Variants in LPCAT1 observed in about 807,000 individuals in gnomAD.
The protein encoded by LPCAT1 is lysophosphatidylcholine acyltransferase 1, also known as 1-acylglycerol-3-phosphate O-acyltransferase.
LPCAT1 carries 23 observed loss-of-function variants against 60.9 expected under a neutral mutation model. That is an observed-to-expected ratio of 0.38 (90% CI 0.27 to 0.53). The LOEUF is 0.53. Ranked by LOEUF, LPCAT1 falls within the 20% of genes least tolerant of loss-of-function variation. The pLI, the probability that LPCAT1 is intolerant of heterozygous loss-of-function variation, is 0.82. For synonymous variants in LPCAT1, 340 were observed against 301.1 expected (o/e 1.13, Z -1.34); for missense variants, 622 against 723.6 (o/e 0.86, Z 1.61).
chr5:1,476,556 T>C lies in LPCAT1; in HGVS notation c.899+848A>G, dbSNP rs1307020447. ...GCGAGTTCCCAGCCATGCCCCGACCTGCTGCAGCAGGAGCCTGGGGGTGGG... is the reference window on the plus strand; with the variant it reads ...GCGAGTTCCCAGCCATGCCCCGACCCGCTGCAGCAGGAGCCTGGGGGTGGG... On this transcript the variant is annotated intron_variant, in intron 9 of 13. Transcript: ENST00000283415. The surrounding 1 kb of genome is among the most constrained non-coding windows in gnomAD (Gnocchi z 8.6). Among the ~76,000 whole-genome samples, 1 of 152,096 alleles carries C rather than the reference T, an allele frequency of 6.6e-6. No homozygotes were observed. Among genetic ancestry groups the C allele is most frequent in the African/African-American group, 2.4e-5 (1 of 41,392 alleles).
chr5:1,510,158 G>C (rs1043853800), intron 1 of LPCAT1, among the ~76,000 whole-genome samples: 2 of 152,060 alleles, frequency 1.3e-5, no homozygotes, highest in Non-Finnish European at 2.9e-5. Flanking sequence ...TCACACTCTG[G>C]AGCTTTTCAC....
chr5:1,463,595 G>T lies in LPCAT1; in HGVS notation c.*56C>A, dbSNP rs911365860. ...GAGCCCAGAGGTCACTCGCAAAGAG[G>T]CTCATGGCGGTGATGTCCACGCGGG... On this transcript the variant is annotated 3_prime_UTR_variant, in exon 14 of 14. Transcript: ENST00000283415. The T allele has an allele frequency of 6.3e-7, 1 of 1,583,334 alleles. No homozygotes were observed. Among genetic ancestry groups the T allele is most frequent in the Non-Finnish European group, 8.6e-7 (1 of 1,159,474 alleles).
chr5:1,510,546 G>A (rs373707411), intron 1 of LPCAT1, among the ~76,000 whole-genome samples: 3 of 152,194 alleles, frequency 2.0e-5, no homozygotes, highest in Admixed American at 6.5e-5. Context: ...TCCAGTCCAC[G>A]GGCGTCTTAC....
intron 8 of LPCAT1, among the ~76,000 whole-genome samples, chr5:1,478,394 C>T (rs1313401894): frequency 2.0e-5 from 3 of 152,252 alleles, no homozygotes; most frequent in African/African-American, 7.2e-5. Flanking sequence ...GTATGAACAA[C>T]GTCAGTAAGG....
At chr5:1,504,643 G>C (rs1736126653) in intron 1 of LPCAT1, among the ~76,000 whole-genome samples, 1 of 150,146 alleles carries the variant, frequency 6.7e-6, no homozygotes, top group Admixed American at 6.7e-5. Flanking sequence ...GGACCCGGGA[G>C]TCAGAGGTTG....
intron 3 of LPCAT1, among the ~76,000 whole-genome samples, chr5:1,493,431 A>T (rs916625153): frequency 5.3e-5 from 8 of 152,226 alleles, no homozygotes; most frequent in African/African-American, 1.7e-4. Context: ...GTGTCCCCCC[A>T]GATATTTTCT....
intron 1 of LPCAT1, among the ~76,000 whole-genome samples, chr5:1,512,590 C>G (rs1039961601): frequency 1.3e-5 from 2 of 152,218 alleles, no homozygotes; most frequent in African/African-American, 2.4e-5. Context: ...ACCTTGTGAC[C>G]TTTGGAATGA....
chr5:1,502,551 C>G lies in LPCAT1; in HGVS notation c.136-948G>C, dbSNP rs564835636. Among the ~76,000 whole-genome samples, 15 of 152,280 alleles carry G rather than the reference C, an allele frequency of 9.9e-5. No homozygotes were observed. The South Asian group carries it at 2.9e-3, about 29-fold the overall frequency. On this transcript the variant is annotated intron_variant, in intron 1 of 13. Coordinates refer to ENST00000283415, the MANE Select transcript of LPCAT1 (RefSeq NM_024830.5). The surrounding 1 kb of genome is among the most constrained non-coding windows in gnomAD (Gnocchi z 5.5). ...GGCCCCCCAAGCCAGGGCAGGCCCC[C>G]ACGCCAGGGAAGGCCGAGGCTGCGG...
rs368849977 is a variant in LPCAT1 at position 1,473,915 on chromosome 5, G to A, written c.1179+42C>T. 310 of 1,586,260 alleles carry A rather than the reference G, an allele frequency of 2.0e-4. 1 individual carries two copies. Among genetic ancestry groups the A allele is most frequent in the Non-Finnish European group, 2.6e-4 (297 of 1,164,014 alleles). ...GAACAATTTATGCTTCAAAAAGCAG[G>A]AGGTTTTGCCGACACCCCGCTCCGC... On this transcript the variant is annotated intron_variant, in intron 11 of 13. Transcript: ENST00000283415.
chr5:1,468,858 G>A (rs1001817585), intron 12 of LPCAT1, among the ~76,000 whole-genome samples: 14 of 152,202 alleles, frequency 9.2e-5, no homozygotes. Context: ...AGAGCAGCAC[G>A]CTGGTGCACT....
At chr5:1,492,692 G>C (rs1262201128) in intron 3 of LPCAT1, among the ~76,000 whole-genome samples, 1 of 152,214 alleles carries the variant, frequency 6.6e-6, no homozygotes, top group Non-Finnish European at 1.5e-5. Flanking sequence ...TGGGTCACCT[G>C]GGTTGATCTG....
At chr5:1,509,156 G>A (rs1736277548) in intron 1 of LPCAT1, among the ~76,000 whole-genome samples, 3 of 152,276 alleles carry the variant, frequency 2.0e-5, no homozygotes, top group Admixed American at 6.5e-5. Context: ...CCAAAGGATG[G>A]CGCCCGGAGA....
intron 3 of LPCAT1, among the ~76,000 whole-genome samples, chr5:1,493,370 C>A (rs1735661347): frequency 6.6e-6 from 1 of 152,260 alleles, no homozygotes; most frequent in Admixed American, 6.5e-5. Context: ...GTGGCCACCA[C>A]CCTCAGTGGT....
At chr5:1,488,353 C>G in intron 5 of LPCAT1, 38 bp downstream of exon 5, 2 of 1,343,906 alleles carry the variant, frequency 1.5e-6, no homozygotes, top group Non-Finnish European at 2.1e-6. Flanking sequence ...TTTTCCTTTT[C>G]TCTAGGAGAA....
intron 1 of LPCAT1, among the ~76,000 whole-genome samples, chr5:1,517,805 A>T (rs943831393): frequency 6.6e-6 from 1 of 152,226 alleles, no homozygotes; most frequent in Non-Finnish European, 1.5e-5. Context: ...TTCAAGAGTA[A>T]AATCAAGGTT....
At chr5:1,516,006 C>A (rs1736496510) in intron 1 of LPCAT1, among the ~76,000 whole-genome samples, 1 of 152,238 alleles carries the variant, frequency 6.6e-6, no homozygotes, top group South Asian at 2.1e-4. Flanking sequence ...TGGGCCCTGG[C>A]AAGTATGTCC....
chr5:1,521,411 G>A lies in LPCAT1; in HGVS notation c.135+2299C>T, dbSNP rs1245285927. 1.0e-6 allele frequency: 1 copy of A among 985,226 alleles called. No individual in the cohort carries two copies. Among genetic ancestry groups the A allele is most frequent in the Non-Finnish European group, 1.2e-6 (1 of 829,896 alleles). 61.0% of individuals were successfully genotyped at this position (985,226 alleles called of 1,614,324 possible). A position where few individuals can be genotyped will look rare whatever the true frequency, so the allele number is the denominator to read the frequency against. On this transcript the variant is annotated intron_variant, in intron 1 of 13. Coordinates refer to ENST00000283415, the MANE Select transcript of LPCAT1 (RefSeq NM_024830.5). This position sits in a 1 kb window ranked among gnomAD's most constrained non-coding sequence, Gnocchi z 4.3. The stretch of plus-strand genomic sequence containing the variant: ...GTTCTTGAGTGTGTCAGCCACTACT[G>A]GACCCATTTCTTTCTTTGGGGAAGA...
Position 1,502,572 on chromosome 5 carries a change from T to TGCGGGATCACAGGCA in LPCAT1, c.136-970_136-969insTGCCTGTGATCCCGC. On this transcript the variant is annotated intron_variant, in intron 1 of 13. Coordinates refer to ENST00000283415, the MANE Select transcript of LPCAT1 (RefSeq NM_024830.5). This position sits in a 1 kb window ranked among gnomAD's most constrained non-coding sequence, Gnocchi z 5.5. ...CCCCCACGCCAGGGAAGGCCGAGGC[T>TGCGGGATCACAGGCA]GCGGGATCCCAGGCAGCCCAGGGTC... Among the ~76,000 whole-genome samples the TGCGGGATCACAGGCA allele has an allele frequency of 6.6e-6, 1 of 152,150 alleles. No homozygotes were observed. The highest frequency in any genetic ancestry group is 1.9e-4 in the East Asian group (1 of 5,176).
intron 2 of LPCAT1, among the ~76,000 whole-genome samples, chr5:1,498,619 TAC>T (rs1560982047): frequency 2.6e-5 from 4 of 151,838 alleles, no homozygotes; most frequent in Non-Finnish European, 4.4e-5. Flanking sequence ...TGTACACACG[TAC>T]ACTTGCACAT....
Sources: allele counts gnomAD v4.1 joint callset (sites outside exome capture counted in the v4.1 genomes callset), GRCh38; gene constraint gnomAD v4.1.1; non-coding constraint Gnocchi (gnomAD v3.1); transcripts MANE v1.5; gene names NCBI Gene and HGNC (gene_info 2026-07-23, HGNC 2026-07-21).